Variants in MAL2 observed in about 807,000 individuals in gnomAD.
MAL2 encodes the protein protein MAL2.
In MAL2, 17 loss-of-function variants were observed where a neutral mutation model predicts 18.1. The ratio of observed to expected loss-of-function variants is 0.94; its 90% confidence interval spans 0.64 to 1.41. The LOEUF (loss-of-function observed/expected upper bound fraction) is 1.41, where lower values mean the gene tolerates loss of function less well. Among genes scored for constraint, MAL2 ranks in the 40% most tolerant of loss-of-function variants. The pLI, the probability that MAL2 is intolerant of heterozygous loss-of-function variation, is 0.00. For missense variants in MAL2, 222 were observed against 231.9 expected (o/e 0.96, Z 0.28); for synonymous variants, 102 against 102.3 (o/e 1.00, Z 0.02).
At position 119,222,849 on chromosome 8, in the gene MAL2, T is replaced by A. The variant is rs562021575; in HGVS notation, c.303+1092T>A. ...TCTCTCAAAAAAAAAAAAAAAAAAA[T>A]TTGCAATCAACACAATTTTTAAAAT... On this transcript the variant is annotated intron_variant, in intron 2 of 3. Transcript: ENST00000614891. Among the ~76,000 whole-genome samples the A allele has an allele frequency of 5.0e-4, 75 of 149,782 alleles. No individual in the cohort carries two copies. In the East Asian group the frequency reaches 0.014, roughly 29 times the overall value.
chr8:119,208,429 G>C lies in MAL2; in HGVS notation c.-44G>C, dbSNP rs35703322. On this transcript the variant is annotated 5_prime_UTR_variant, in exon 1 of 4. Transcript: ENST00000614891. This position sits in a 1 kb window ranked among gnomAD's most constrained non-coding sequence, Gnocchi z 4.3. ...GCAGGAGCCCGGGAGGCGGAGGCGGGAGGCGGCGGCGGCGCGCGGAGACGC... is the reference window on the plus strand; with the variant it reads ...GCAGGAGCCCGGGAGGCGGAGGCGGCAGGCGGCGGCGGCGCGCGGAGACGC... 9.1e-7 allele frequency: 1 copy of C among 1,094,688 alleles called. No individual in the cohort carries two copies. Among genetic ancestry groups the C allele is most frequent in the Non-Finnish European group, 1.1e-6 (1 of 891,438 alleles). The allele number at this position is 1,094,688 out of a possible 1,614,324, so 67.8% of individuals were successfully genotyped here.
intron 1 of MAL2, among the ~76,000 whole-genome samples, chr8:119,214,843 C>T (rs1166608772): frequency 6.6e-6 from 1 of 152,166 alleles, no homozygotes; most frequent in East Asian, 1.9e-4. Flanking sequence ...ATGTGTATGT[C>T]ATTTCTCATT....
At chr8:119,211,476 C>T (rs931946121) in intron 1 of MAL2, among the ~76,000 whole-genome samples, 3 of 152,170 alleles carry the variant, frequency 2.0e-5, no homozygotes, top group African/African-American at 4.8e-5. Flanking sequence ...CTATTGACAC[C>T]ATGCTCTTGG....
intron 1 of MAL2, among the ~76,000 whole-genome samples, chr8:119,211,051 G>A (rs1817260691): frequency 6.6e-6 from 1 of 152,162 alleles, no homozygotes; most frequent in South Asian, 2.1e-4. Context: ...ATCAAAGCTG[G>A]CTTGTTACCC....
intron 1 of MAL2, among the ~76,000 whole-genome samples, chr8:119,213,454 C>A (rs567738372): frequency 2.3e-4 from 35 of 152,098 alleles, no homozygotes; most frequent in Non-Finnish European, 4.3e-4. Flanking sequence ...ATAGTTGTCC[C>A]CTAAATGGGT....
chr8:119,217,907 A>T (rs73709676), intron 1 of MAL2, among the ~76,000 whole-genome samples: 1 of 152,156 alleles, frequency 6.6e-6, no homozygotes, highest in African/African-American at 2.4e-5. Context: ...AGCATTGGTC[A>T]TCTCAATTTT....
At chr8:119,241,989 C>G (rs1459357990) in intron 3 of MAL2, among the ~76,000 whole-genome samples, 1 of 152,012 alleles carries the variant, frequency 6.6e-6, no homozygotes, top group Non-Finnish European at 1.5e-5. Flanking sequence ...ATTAGAAAAC[C>G]CTTGGTTTTA....
chr8:119,218,813 C>G (rs1452609595), intron 1 of MAL2, among the ~76,000 whole-genome samples: 1 of 152,182 alleles, frequency 6.6e-6, no homozygotes, highest in Non-Finnish European at 1.5e-5. Flanking sequence ...TTGGCTCTGC[C>G]TGTCCCTAAC....
intron 2 of MAL2, among the ~76,000 whole-genome samples, chr8:119,234,112 C>T (rs375232035): frequency 1.2e-4 from 18 of 152,242 alleles, no homozygotes; most frequent in South Asian, 8.3e-4. Context: ...GCACCGTGCG[C>T]GAGCCGAAGC....
intron 2 of MAL2, among the ~76,000 whole-genome samples, chr8:119,225,886 T>A (rs1396662891): frequency 6.6e-6 from 1 of 152,264 alleles, no homozygotes; most frequent in Non-Finnish European, 1.5e-5. Context: ...GTGAGCATTT[T>A]TTCATGTGTC....
Position 119,208,659 on chromosome 8 carries a change from A to G in MAL2, c.132+55A>G, listed in dbSNP as rs1301941770. On this transcript the variant is annotated intron_variant, in intron 1 of 3. Transcript: ENST00000614891. The surrounding 1 kb of genome is among the most constrained non-coding windows in gnomAD (Gnocchi z 4.3). The stretch of plus-strand genomic sequence containing the variant: ...GCGGGGAGCGAGGACAGGCGGCGGC[A>G]TCCTTGTCCCCCGGGCTGTCTTCCT... The G allele has an allele frequency of 3.2e-6, 4 of 1,251,004 alleles. No individual in the cohort carries two copies. Among genetic ancestry groups the G allele is most frequent in the Non-Finnish European group, 4.0e-6 (4 of 996,162 alleles). The allele number at this position is 1,251,004 out of a possible 1,614,324, so 77.5% of individuals were successfully genotyped here.
At chr8:119,238,451 A>T (rs1817962817) in intron 2 of MAL2, among the ~76,000 whole-genome samples, 1 of 152,176 alleles carries the variant, frequency 6.6e-6, no homozygotes, top group South Asian at 2.1e-4. Context: ...GAACCGAAAA[A>T]GAGCCCGCAT....
In MAL2 at chr8:119,222,142, A is replaced by AT. The variant is rs201672790; in HGVS notation, c.303+394dup. 3.3e-3 allele frequency among the ~76,000 whole-genome samples: 501 copies of AT among 151,336 alleles called. 2 individuals carry two copies. Among genetic ancestry groups the AT allele is most frequent in the African/African-American group, 9.0e-3 (373 of 41,236 alleles). On this transcript the variant is annotated intron_variant, in intron 2 of 3. Coordinates refer to ENST00000614891, the MANE Select transcript of MAL2 (RefSeq NM_052886.3). ...TTCTGCCCCAGATATTTAAATATGT[A>AT]TTTTTTTTTCAGAAAACAAATACTT...
At chr8:119,237,106 T>C (rs559748304) in intron 2 of MAL2, among the ~76,000 whole-genome samples, 25 of 152,260 alleles carry the variant, frequency 1.6e-4, no homozygotes, top group Admixed American at 1.2e-3. Context: ...ACAAAGGGGA[T>C]ATCAGCACCG....
chr8:119,225,760 T>C (rs1817581802), intron 2 of MAL2, among the ~76,000 whole-genome samples: 1 of 152,228 alleles, frequency 6.6e-6, no homozygotes, highest in Admixed American at 6.5e-5. Flanking sequence ...TTCCTATTTC[T>C]CCACATCCTC....
intron 2 of MAL2, among the ~76,000 whole-genome samples, chr8:119,236,128 G>C (rs1817884063): frequency 1.6e-5 from 1 of 64,292 alleles, no homozygotes; most frequent in Non-Finnish European, 3.0e-5. Context: ...AACAAAAAAA[G>C]GCAGGGGTTG....
intron 2 of MAL2, among the ~76,000 whole-genome samples, chr8:119,237,156 A>G (rs2129902771): frequency 6.6e-6 from 1 of 152,164 alleles, no homozygotes; most frequent in Non-Finnish European, 1.5e-5. Context: ...AATACTACAA[A>G]CACCTCTACA....
Position 119,240,336 on chromosome 8 carries a change from C to T in MAL2, c.459+16C>T, listed in dbSNP as rs1386430067. ...AGCAGCCTCAGTAAGTATTCATATT[C>T]AATGAGTACCATTCACCAGCACTTC... On this transcript the variant is annotated intron_variant, in intron 3 of 3. Transcript: ENST00000614891. 1.9e-6 allele frequency: 3 copies of T among 1,610,356 alleles called. No homozygotes were observed. The highest frequency in any genetic ancestry group is 2.5e-6 in the Non-Finnish European group (3 of 1,177,544).
intron 3 of MAL2, among the ~76,000 whole-genome samples, chr8:119,241,917 T>G (rs1461422173): frequency 2.0e-5 from 3 of 152,184 alleles, no homozygotes; most frequent in African/African-American, 7.2e-5. Flanking sequence ...CATTCTCTTT[T>G]CATAAAGCTG....
Sources: allele counts gnomAD v4.1 joint callset (sites outside exome capture counted in the v4.1 genomes callset), GRCh38; gene constraint gnomAD v4.1.1; non-coding constraint Gnocchi (gnomAD v3.1); transcripts MANE v1.5; gene names NCBI Gene and HGNC (gene_info 2026-07-23, HGNC 2026-07-21).